Variants in SPTBN2 observed in about 807,000 individuals in gnomAD.
The protein encoded by SPTBN2 is spectrin beta chain, non-erythrocytic 2.
SPTBN2 carries 107 observed loss-of-function variants against 284.2 expected under a neutral mutation model. That is an observed-to-expected ratio of 0.38 (90% confidence interval 0.32 to 0.44). The LOEUF is 0.44. Among genes scored for constraint, SPTBN2 ranks in the 20% least tolerant of loss-of-function variants. SPTBN2 has a pLI of 1.00. For synonymous variants in SPTBN2, 1,289 were observed against 1,354.8 expected, an observed-to-expected ratio of 0.95 and a Z score of 1.07; for missense variants, 2,569 against 3,287.1, an observed-to-expected ratio of 0.78 and a Z score of 5.34.
rs527985976 is a variant in SPTBN2, at chr11:66,708,783, T to A, written c.1191+119A>T. On this transcript the variant is annotated intron_variant, in intron 11 of 37. Coordinates refer to ENST00000533211, the MANE Select transcript of SPTBN2 (RefSeq NM_006946.4). This position sits in a 1 kb window ranked among gnomAD's most constrained non-coding sequence, Gnocchi z 4.4. ...TGGGCAGAGTGCTCGAGTTTCAAGT[T>A]GGGGCAGCAGATAGTAGAACTTGGT... is the stretch of plus-strand genomic sequence containing the variant. 1.2e-6 allele frequency: 1 copy of A among 809,140 alleles called. No individual in the cohort carries two copies. The highest frequency in any genetic ancestry group is 2.0e-5 in the Admixed American group (1 of 51,006). 50.1% of individuals were successfully genotyped at this position (809,140 alleles called of 1,614,324 possible).
In SPTBN2 at chr11:66,688,245, C is replaced by T. The variant is rs745437440; in HGVS notation, c.6298G>A (p.Ala2100Thr). 7 of 1,613,314 alleles carry T rather than the reference C, an allele frequency of 4.3e-6. No homozygotes were observed. Among genetic ancestry groups the T allele is most frequent in the Non-Finnish European group, 5.1e-6 (6 of 1,179,918 alleles). ...GGCACACTGGCTGTGGGTTCGGGAG[C>T]AGGCGGCTGTTTCCGCCGCTCCTCC... ...EEEERRKQPP[A>T]PEPTASVPPG... The change falls in exon 32 of 38, where the codon GCT (alanine) becomes ACT (threonine). Residue 2100 changes from alanine (A) to threonine (T), a missense_variant. Physicochemically the swap from Ala to Thr is moderately conservative, Grantham distance 58. Coordinates refer to ENST00000533211, the MANE Select transcript of SPTBN2 (RefSeq NM_006946.4).
At position 66,687,125 on chromosome 11, in the gene SPTBN2, G is replaced by A. The variant is rs142769916; in HGVS notation, c.6765C>T (p.Leu2255=). The change falls in exon 36 of 38, where the codon CTC becomes CTT. Residue 2255 remains leucine (L), a synonymous_variant. Transcript: ENST00000533211. The surrounding 1 kb of genome is among the most constrained non-coding windows in gnomAD (Gnocchi z 5.2). ...NVYCVLRRGS[L]GFYKDAKAAS... is the part of the protein sequence containing the mutation. Reference sequence around the variant, plus strand: ...CTGCCTTGGCATCCTTGTAAAAGCCGAGGCTCCCACGCCGCAGGACACAGT... The same window carrying A: ...CTGCCTTGGCATCCTTGTAAAAGCCAAGGCTCCCACGCCGCAGGACACAGT... The A allele has an allele frequency of 7.9e-5, 127 of 1,614,084 alleles. No individual in the cohort carries two copies. In the African/African-American group the frequency reaches 1.1e-3, roughly 14 times the overall value.
intron 16 of SPTBN2, 92 bp from the exon 17 acceptor site, chr11:66,701,374 C>A: frequency 1.3e-6 from 2 of 1,555,152 alleles, no homozygotes; most frequent in Middle Eastern, 1.9e-4. Flanking sequence ...AGCTCCCCTT[C>A]ACTCCTCCCT....
At chr11:66,702,218 G>A (rs748479309) in intron 15 of SPTBN2, among the ~76,000 whole-genome samples, 8 of 152,238 alleles carry the variant, frequency 5.3e-5, no homozygotes, top group Non-Finnish European at 8.8e-5. Context: ...CCAGGCTGGA[G>A]TGTAGTGGTG....
Position 66,688,098 on chromosome 11 carries a change from A to G in SPTBN2, c.6375-19T>C, listed in dbSNP as rs1400495398. 4.0e-5 allele frequency: 64 copies of G among 1,613,784 alleles called. No individual in the cohort carries two copies. The highest frequency in any genetic ancestry group is 5.4e-5 in the Non-Finnish European group (64 of 1,180,002). On this transcript the variant is annotated intron_variant, in intron 32 of 37. Coordinates refer to ENST00000533211, the MANE Select transcript of SPTBN2 (RefSeq NM_006946.4). ...CTGGGTTCTGGGATGACCAAAGGCA[A>G]CACAGAATCATTAGTCCCTGGGTGG...
chr11:66,697,922 C>T (rs921487695), intron 20 of SPTBN2, among the ~76,000 whole-genome samples: 6 of 152,234 alleles, frequency 3.9e-5, no homozygotes, highest in African/African-American at 1.4e-4. Context: ...GCACACTGGT[C>T]TCCTTTTGTC....
At chr11:66,716,442 T>C (rs1942154817) in intron 3 of SPTBN2, among the ~76,000 whole-genome samples, 2 of 149,796 alleles carry the variant, frequency 1.3e-5, no homozygotes, top group South Asian at 4.2e-4. Context: ...ATTGTGCCAC[T>C]GCACTCCAGC....
intron 30 of SPTBN2, 64 bp downstream of exon 30, chr11:66,689,032 G>C (rs1482209157): frequency 1.3e-6 from 2 of 1,543,778 alleles, no homozygotes; most frequent in East Asian, 4.7e-5. Flanking sequence ...ACCTACTCTG[G>C]AACCCACAGG....
rs762283482 is a variant in SPTBN2, at chr11:66,708,265, C to T, written c.1226G>A (p.Arg409His). ...WERLEKAEHE[R>H]ELALRTELIR... ...GAGCTCGGTGCGCAGGGCCAGCTCA[C>T]GCTCGTGCTCCGCCTTCTCCAGCCG... is the stretch of plus-strand genomic sequence containing the variant. Residue 409 changes from arginine (R) to histidine (H), a missense_variant, in exon 12 of 38, where the codon CGT (arginine) becomes CAT (histidine). This residue lies in a region of SPTBN2 where 1,012 missense variants were observed against 1,248.9 expected (regional missense o/e 0.81). Transcript: ENST00000533211. The surrounding 1 kb of genome is among the most constrained non-coding windows in gnomAD (Gnocchi z 4.4). 11 of 1,602,916 alleles carry T rather than the reference C, an allele frequency of 6.9e-6. No homozygotes were observed. Among genetic ancestry groups the T allele is most frequent in the African/African-American group, 6.7e-5 (5 of 74,776 alleles).
intron 1 of SPTBN2, chr11:66,728,479 G>A (rs908014428): frequency 2.7e-5 from 4 of 150,756 alleles, no homozygotes; most frequent in Non-Finnish European, 5.9e-5. Context: ...CGGCCCCGCG[G>A]GGCTCTGGGC....
upstream of SPTBN2, among the ~76,000 whole-genome samples, chr11:66,733,301 C>A (rs2135605560): frequency 6.6e-6 from 1 of 152,254 alleles, no homozygotes; most frequent in East Asian, 1.9e-4. Context: ...AGTTAGGAGG[C>A]TACCACTGTG....
chr11:66,713,548 TC>T, intron 8 of SPTBN2, 82 bp downstream of exon 8: 1 of 1,034,534 alleles, frequency 9.7e-7, no homozygotes, highest in Admixed American at 1.7e-5. Context: ...CTCCATGTCT[TC>T]CCCCTCCGCA....
chr11:66,689,031 G>C, intron 30 of SPTBN2, 65 bp downstream of exon 30: 1 of 1,541,268 alleles, frequency 6.5e-7, no homozygotes. Flanking sequence ...CACCTACTCT[G>C]GAACCCACAG....
chr11:66,697,823 C>A (rs1422701790), intron 20 of SPTBN2, among the ~76,000 whole-genome samples: 1 of 152,174 alleles, frequency 6.6e-6, no homozygotes, highest in Non-Finnish European at 1.5e-5. Context: ...CCATGGGATC[C>A]CTTTCGGACC....
rs201605877 is a variant in SPTBN2 at position 66,709,066 on chromosome 11, T to C, written c.1074-47A>G. ...GGGTCAGAATTAAAGCCCACGAGGGTCACAAGGACTCTTTACTCTTCCAAA... is the reference window on the plus strand; with the variant it reads ...GGGTCAGAATTAAAGCCCACGAGGGCCACAAGGACTCTTTACTCTTCCAAA... On this transcript the variant is annotated intron_variant, in intron 10 of 37. Transcript: ENST00000533211. 1.3e-4 allele frequency: 186 copies of C among 1,475,440 alleles called. 1 individual carries two copies. The East Asian group carries it at 4.1e-3, about 33-fold the overall frequency. The allele number at this position is 1,475,440 out of a possible 1,614,324, so 91.4% of individuals were successfully genotyped here. A position where few individuals can be genotyped will look rare whatever the true frequency, so the allele number is the denominator to read the frequency against.
At chr11:66,689,344 A>C in intron 29 of SPTBN2, 164 bp from the exon 30 acceptor site, 2 of 707,136 alleles carry the variant, frequency 2.8e-6, no homozygotes, top group South Asian at 3.7e-5. Flanking sequence ...GCGCAATCTC[A>C]GCTCACTGCA....
rs773270398 is a variant in SPTBN2, at chr11:66,715,933, G to A, written c.206C>T (p.Ser69Leu). The A allele has an allele frequency of 3.7e-6, 6 of 1,614,068 alleles. No individual in the cohort carries two copies. The highest frequency in any genetic ancestry group is 1.1e-5 in the South Asian group (1 of 91,058). Residue 69 changes from serine to leucine, a missense_variant, in exon 4 of 38, where the codon TCG becomes TTG. Around this residue, in one of 6 missense-constraint regions of SPTBN2, gnomAD observed 304 missense variants for 522.1 expected, o/e 0.58. Transcript: ENST00000533211. This position sits in a 1 kb window ranked among gnomAD's most constrained non-coding sequence, Gnocchi z 5.3. Reference sequence around the variant, plus strand: ...CCGGCACGTGACCCGGGCCAGGTGCGAGTTTACCCACTTGGTGAAGGTTTT... The same window carrying A: ...CCGGCACGTGACCCGGGCCAGGTGCAAGTTTACCCACTTGGTGAAGGTTTT... ...QKKTFTKWVN[S>L]HLARVTCRVG...
chr11:66,696,418 G>C lies in SPTBN2; in HGVS notation c.4137C>G (p.Leu1379=), dbSNP rs761964666. 4 of 1,613,182 alleles carry C rather than the reference G, an allele frequency of 2.5e-6. No homozygotes were observed. The African/African-American group carries it at 5.3e-5, about 22-fold the overall frequency. Residue 1379 remains leucine (L), a synonymous_variant, in exon 21 of 38, where the codon CTC becomes CTG. Coordinates refer to ENST00000533211, the MANE Select transcript of SPTBN2 (RefSeq NM_006946.4). Reference sequence around the variant, plus strand: ...ACAGCTCAGCTCGGTTGGCATCAAAGAGGCTGCGGGCCTTGGCTTGGGTGG... The same window carrying C: ...ACAGCTCAGCTCGGTTGGCATCAAACAGGCTGCGGGCCTTGGCTTGGGTGG... ...ETTTQAKARS[L]FDANRAELFA... is the part of the protein sequence containing the mutation.
In SPTBN2 at chr11:66,708,682, GGA is replaced by G. The variant is rs1053810723; in HGVS notation, c.1191+218_1191+219del. On this transcript the variant is annotated intron_variant, in intron 11 of 37. Transcript: ENST00000533211. This position sits in a 1 kb window ranked among gnomAD's most constrained non-coding sequence, Gnocchi z 4.4. The stretch of plus-strand genomic sequence containing the variant: ...ATAATTTCCTTATGTGACCTCGTAT[GGA>G]GAGTCAGACAAAGGGACAGGGAGCC... 1.3e-5 allele frequency among the ~76,000 whole-genome samples: 2 copies of G among 152,220 alleles called. No individual in the cohort carries two copies. Among genetic ancestry groups the G allele is most frequent in the Non-Finnish European group, 2.9e-5 (2 of 68,038 alleles).
Sources: allele counts gnomAD v4.1 joint callset (sites outside exome capture counted in the v4.1 genomes callset), GRCh38; gene constraint gnomAD v4.1.1; regional missense constraint gnomAD v4.1.1; non-coding constraint Gnocchi (gnomAD v3.1); transcripts MANE v1.5; gene names NCBI Gene and HGNC (gene_info 2026-07-23, HGNC 2026-07-21).